Variants in GPHN observed in about 807,000 individuals in gnomAD.
GPHN encodes the protein gephyrin.
In GPHN, 17 loss-of-function variants were observed where a neutral mutation model predicts 95.5. The observed-to-expected ratio is 0.18, with a 90% CI of 0.12 to 0.27. The LOEUF is 0.27. GPHN is among the 10% of genes least tolerant of loss of function. GPHN has a pLI of 1.00. For missense variants in GPHN, 660 were observed against 978.1 expected (o/e 0.67, Z 4.34); for synonymous variants, 320 against 322.5 (o/e 0.99, Z 0.08).
chr14:67,281,548 A>G, the GPHN span, among the ~76,000 whole-genome samples: 1 of 152,052 alleles, frequency 6.6e-6, no homozygotes, highest in Non-Finnish European at 1.5e-5. Flanking sequence ...AAAATATTTT[A>G]TTGGAGAAAG....
chr14:67,646,088 GAC>G, the GPHN span, among the ~76,000 whole-genome samples: 3 of 152,176 alleles, frequency 2.0e-5, no homozygotes, highest in Non-Finnish European at 2.9e-5. Context: ...CATACTCTCA[GAC>G]ACACTGATCT....
At chr14:66,606,026 G>C (rs1449234726) in intron 1 of GPHN, among the ~76,000 whole-genome samples, 1 of 151,930 alleles carries the variant, frequency 6.6e-6, no homozygotes, top group African/African-American at 2.4e-5. Context: ...TTTCATTTTT[G>C]TTGCAATTGC....
At chr14:67,026,403 T>C (rs1309785766) in intron 10 of GPHN, among the ~76,000 whole-genome samples, 3 of 152,110 alleles carry the variant, frequency 2.0e-5, no homozygotes, top group African/African-American at 7.2e-5. Context: ...GATAATAAAA[T>C]AGGTTACTTT....
At chr14:67,513,423 T>C in the GPHN span, among the ~76,000 whole-genome samples, 3 of 152,078 alleles carry the variant, frequency 2.0e-5, no homozygotes, top group African/African-American at 7.2e-5. Context: ...GGGGACTCAG[T>C]TTTCTCCTGC....
At chr14:67,108,706 C>G (rs1031340003) in intron 13 of GPHN, among the ~76,000 whole-genome samples, 1 of 126,094 alleles carries the variant, frequency 7.9e-6, no homozygotes, top group African/African-American at 2.9e-5. Flanking sequence ...TAACCATTCC[C>G]TAAGGGGTGT....
intron 9 of GPHN, among the ~76,000 whole-genome samples, chr14:66,989,830 A>C (rs1353367100): frequency 6.6e-6 from 1 of 152,158 alleles, no homozygotes; most frequent in Non-Finnish European, 1.5e-5. Context: ...TTGATGCTAA[A>C]AAGAAAAAGT....
At chr14:67,015,345 T>C (rs1293364165) in intron 9 of GPHN, among the ~76,000 whole-genome samples, 1 of 152,170 alleles carries the variant, frequency 6.6e-6, no homozygotes, top group East Asian at 1.9e-4. Flanking sequence ...ATTTATAAAA[T>C]TGTTTTGCTT....
the GPHN span, chr14:67,199,904 G>A: frequency 3.4e-6 from 5 of 1,479,198 alleles, no homozygotes; most frequent in African/African-American, 7.1e-5. Context: ...GGAACCCCAG[G>A]GGCAGGACAT....
At chr14:67,727,057 G>A in the GPHN span, 33 of 1,614,018 alleles carry the variant, frequency 2.0e-5, no homozygotes, top group East Asian at 4.5e-5. Flanking sequence ...ATGTGTCCTC[G>A]GTGGCTCACC....
At chr14:67,281,479 T>C in the GPHN span, among the ~76,000 whole-genome samples, 2 of 152,190 alleles carry the variant, frequency 1.3e-5, no homozygotes, top group Non-Finnish European at 2.9e-5. Flanking sequence ...TGATTGCTTC[T>C]TACTAGCCTT....
chr14:67,057,089 A>T (rs556361019), intron 10 of GPHN, among the ~76,000 whole-genome samples: 1 of 152,146 alleles, frequency 6.6e-6, no homozygotes, highest in South Asian at 2.1e-4. Context: ...AAGCAGAGGG[A>T]GCCGGCTCTG....
intron 2 of GPHN, among the ~76,000 whole-genome samples, chr14:66,744,097 A>G (rs747022389): frequency 2.5e-4 from 38 of 152,190 alleles, no homozygotes; most frequent in Non-Finnish European, 4.0e-4. Context: ...TAGAATAGCT[A>G]TATATAATAG....
the GPHN span, among the ~76,000 whole-genome samples, chr14:67,329,649 C>A: frequency 6.6e-6 from 1 of 151,778 alleles, no homozygotes; most frequent in Non-Finnish European, 1.5e-5. Context: ...TGAGATACGG[C>A]GGACGCATCA....
intron 1 of GPHN, among the ~76,000 whole-genome samples, chr14:66,599,391 C>CT (rs1566679513): frequency 2.7e-5 from 2 of 74,036 alleles, no homozygotes; most frequent in Non-Finnish European, 4.1e-5. Context: ...TTTTTTTTTG[C>CT]ATTTTTTTTT....
At chr14:66,658,057 G>A (rs950993305) in intron 1 of GPHN, among the ~76,000 whole-genome samples, 1 of 152,162 alleles carries the variant, frequency 6.6e-6, no homozygotes, top group Non-Finnish European at 1.5e-5. Flanking sequence ...CATGGAGGGA[G>A]TTCAAAATAC....
chr14:67,572,404 A>C, the GPHN span: 1 of 118,878 alleles, frequency 8.4e-6, no homozygotes, highest in Non-Finnish European at 1.6e-5. Context: ...GGATGGGGGC[A>C]GGGGGCGTGG....
chr14:66,833,284 A>G (rs2061652433), intron 4 of GPHN, among the ~76,000 whole-genome samples: 1 of 152,158 alleles, frequency 6.6e-6, no homozygotes, highest in South Asian at 2.1e-4. Context: ...CAACAGGGGG[A>G]AAAGCCCCTT....
the GPHN span, chr14:67,228,312 C>A: frequency 6.9e-6 from 3 of 433,044 alleles, no homozygotes; most frequent in Non-Finnish European, 9.2e-6. Context: ...TTGTTTCAAT[C>A]ATTTATTTTA....
intron 1 of GPHN, among the ~76,000 whole-genome samples, chr14:66,584,504 G>A (rs561485257): frequency 3.9e-5 from 6 of 152,222 alleles, no homozygotes; most frequent in African/African-American, 1.2e-4. Context: ...TGTCCATTCA[G>A]TATAATATTG....
Sources: allele counts gnomAD v4.1 joint callset (sites outside exome capture counted in the v4.1 genomes callset), GRCh38; gene constraint gnomAD v4.1.1; transcripts MANE v1.5; gene names NCBI Gene and HGNC (gene_info 2026-07-23, HGNC 2026-07-21).